PLPP1: variants seen among roughly 807,000 people sequenced by gnomAD.
PLPP1 encodes lipid phosphate phosphohydrolase 1a.
A neutral mutation model predicts 31.2 loss-of-function variants in PLPP1; 24 were observed. The observed-to-expected ratio is 0.77, with a 90% CI of 0.56 to 1.08. PLPP1 has a LOEUF of 1.08. Ranked by LOEUF, PLPP1 falls within the 50% of genes least tolerant of loss-of-function variation. The pLI is 0.00. For synonymous variants in PLPP1, 146 were observed against 126.3 expected (o/e 1.16, Z -1.05); for missense variants, 319 against 342.7 (o/e 0.93, Z 0.55).
At chr5:55,429,562 T>A (rs182325528) in intron 4 of PLPP1, among the ~76,000 whole-genome samples, 1 of 152,032 alleles carries the variant, frequency 6.6e-6, no homozygotes, top group African/African-American at 2.4e-5. Context: ...AACAGGGAAC[T>A]TGGGGACTGC....
intron 4 of PLPP1, among the ~76,000 whole-genome samples, chr5:55,436,608 C>T (rs546876573): frequency 2.6e-5 from 4 of 152,268 alleles, no homozygotes; most frequent in East Asian, 1.9e-4. Context: ...CGTGTGGCTC[C>T]GCTTGTGAAG....
intron 3 of PLPP1, among the ~76,000 whole-genome samples, chr5:55,460,617 T>C (rs1176548340): frequency 2.0e-5 from 3 of 152,170 alleles, no homozygotes; most frequent in South Asian, 2.1e-4. Flanking sequence ...CCAAAGCTCA[T>C]AGAAGAAAAC....
At chr5:55,429,588 CAG>C (rs1751294816) in intron 4 of PLPP1, among the ~76,000 whole-genome samples, 1 of 152,094 alleles carries the variant, frequency 6.6e-6, no homozygotes, top group Non-Finnish European at 1.5e-5. Flanking sequence ...GGCACTGCTC[CAG>C]AGAGGGAGCT....
chr5:55,486,868 G>GC (rs1411531203), intron 1 of PLPP1, among the ~76,000 whole-genome samples: 6 of 151,390 alleles, frequency 4.0e-5, no homozygotes, highest in South Asian at 4.2e-4. Flanking sequence ...AGCCAAAATC[G>GC]CACCATTGCA....
intron 3 of PLPP1, among the ~76,000 whole-genome samples, chr5:55,458,961 A>G (rs1752090507): frequency 1.3e-5 from 2 of 150,854 alleles, no homozygotes; most frequent in South Asian, 4.2e-4. Flanking sequence ...TGGTAATTAC[A>G]TTAAATTTGT....
chr5:55,522,756 C>T (rs1326702750), intron 1 of PLPP1, among the ~76,000 whole-genome samples: 3 of 151,610 alleles, frequency 2.0e-5, no homozygotes. Flanking sequence ...CGGAGCCTCA[C>T]TCTGTCATCC....
intron 1 of PLPP1, among the ~76,000 whole-genome samples, chr5:55,531,240 T>TC (rs1054467157): frequency 1.8e-4 from 27 of 147,916 alleles, no homozygotes; most frequent in Non-Finnish European, 6.1e-5. Context: ...AAATTCTCCT[T>TC]CTTTTTCCAA....
chr5:55,447,430 A>G (rs1269301999), intron 3 of PLPP1, among the ~76,000 whole-genome samples: 2 of 152,242 alleles, frequency 1.3e-5, no homozygotes, highest in Non-Finnish European at 2.9e-5. Context: ...CCAAAGCATT[A>G]TAAGGCAGAA....
At chr5:55,489,106 G>C (rs1309119925) in intron 1 of PLPP1, among the ~76,000 whole-genome samples, 1 of 152,118 alleles carries the variant, frequency 6.6e-6, no homozygotes, top group Non-Finnish European at 1.5e-5. Context: ...GCTAAGGCAG[G>C]AAAATCACCT....
chr5:55,488,900 G>C (rs1451939018), intron 1 of PLPP1, among the ~76,000 whole-genome samples: 1 of 152,058 alleles, frequency 6.6e-6, no homozygotes, highest in Non-Finnish European at 1.5e-5. Context: ...GTGGTGACAG[G>C]CACCTGTAAT....
chr5:55,478,708 G>A (rs542974078), intron 1 of PLPP1, among the ~76,000 whole-genome samples: 2 of 152,262 alleles, frequency 1.3e-5, no homozygotes, highest in East Asian at 3.9e-4. Flanking sequence ...TCAGGAGACA[G>A]TGACCTCACC....
chr5:55,521,898 T>G (rs141747918), intron 1 of PLPP1, among the ~76,000 whole-genome samples: 1 of 151,800 alleles, frequency 6.6e-6, no homozygotes, highest in Admixed American at 6.6e-5. Flanking sequence ...CAATAGATAA[T>G]AGCTTTCTTC....
At chr5:55,438,305 C>A (rs113711782) in intron 4 of PLPP1, among the ~76,000 whole-genome samples, 67 of 152,302 alleles carry the variant, frequency 4.4e-4, no homozygotes, top group African/African-American at 1.5e-3. Flanking sequence ...CCCTGAGCTC[C>A]CGCAGGCCTG....
At chr5:55,507,079 C>G (rs534100572) in intron 1 of PLPP1, among the ~76,000 whole-genome samples, 9 of 152,280 alleles carry the variant, frequency 5.9e-5, no homozygotes, top group Non-Finnish European at 1.0e-4. Context: ...TATTTCTGAA[C>G]AGAAAGGGTT....
chr5:55,425,409 C>T (rs1751155115), intron 5 of PLPP1, 75 bp from the exon 6 acceptor site: 4 of 1,331,732 alleles, frequency 3.0e-6, no homozygotes, highest in East Asian at 2.4e-5. Context: ...TCAACAGCAT[C>T]CTAAGATAAA....
chr5:55,521,813 A>C (rs555337997), intron 1 of PLPP1, among the ~76,000 whole-genome samples: 3 of 152,318 alleles, frequency 2.0e-5, no homozygotes, highest in African/African-American at 7.2e-5. Context: ...TGAGGCTAAT[A>C]CTATGTACCT....
rs1037455257 is a variant in PLPP1 at position 55,430,784 on chromosome 5, C to CA, written c.550-4746dup. On this transcript the variant is annotated intron_variant, in intron 4 of 5. Coordinates refer to ENST00000307259, the MANE Select transcript of PLPP1 (RefSeq NM_003711.4). ...AGAAAAAGAATTCAAAATAATGATTCAAAAAAAATTGAAAAAGCTCAGTGA... is the reference window on the plus strand; with the variant it reads ...AGAAAAAGAATTCAAAATAATGATTCAAAAAAAAATTGAAAAAGCTCAGTGA... Among the ~76,000 whole-genome samples the CA allele has an allele frequency of 6.6e-5, 10 of 150,730 alleles. No homozygotes were observed. The East Asian group carries it at 9.7e-4, about 15-fold the overall frequency.
At chr5:55,488,099 G>A (rs145351793) in intron 1 of PLPP1, among the ~76,000 whole-genome samples, 108 of 151,424 alleles carry the variant, frequency 7.1e-4, no homozygotes, top group African/African-American at 2.6e-3. Context: ...TAAATAATTG[G>A]CATTAAAATA....
chr5:55,424,861 C>A lies in PLPP1; in HGVS notation c.*345G>T. 1 of 909,356 alleles carries A rather than the reference C, an allele frequency of 1.1e-6. No homozygotes were observed. Among genetic ancestry groups the A allele is most frequent in the South Asian group, 1.4e-5 (1 of 70,510 alleles). 56.3% of individuals were successfully genotyped at this position (909,356 alleles called of 1,614,324 possible). ...AATGCCTGCAAGTGTGGATTTGGTT[C>A]TCCCATACATTTTAATATGTATTAT... On this transcript the variant is annotated 3_prime_UTR_variant, in exon 6 of 6. Coordinates refer to ENST00000307259, the MANE Select transcript of PLPP1 (RefSeq NM_003711.4).
Sources: gnomAD v4.1 joint callset for allele counts (sites outside exome capture counted in the v4.1 genomes callset) on GRCh38, gnomAD v4.1.1 for gene constraint, MANE v1.5 for transcripts, NCBI Gene and HGNC (gene_info 2026-07-23, HGNC 2026-07-21) for gene names.